USP45: variants seen among roughly 807,000 people sequenced by gnomAD.
USP45 encodes ubiquitin specific peptidase 45.
USP45 carries 89 observed loss-of-function variants against 95.8 expected under a neutral mutation model. The observed-to-expected ratio is 0.93, with a 90% confidence interval of 0.78 to 1.11. The LOEUF (loss-of-function observed/expected upper bound fraction) is 1.11, where lower values mean the gene tolerates loss of function less well. Ranked by LOEUF, USP45 falls within the 50% of genes least tolerant of loss-of-function variation. USP45 has a pLI of 0.00. For missense variants in USP45, 898 were observed against 942.5 expected, an observed-to-expected ratio of 0.95 and a Z score of 0.62; for synonymous variants, 281 against 316.2, an observed-to-expected ratio of 0.89 and a Z score of 1.18.
intron 8 of USP45, among the ~76,000 whole-genome samples, chr6:99,478,228 T>TG (rs1270135421): frequency 4.7e-5 from 7 of 148,450 alleles, no homozygotes; most frequent in South Asian, 2.1e-4. Flanking sequence ...TTGTTTTTTT[T>TG]TTTTTTTTTT....
Position 99,468,527 on chromosome 6 carries a change from G to GTT in USP45, c.1015+9_1015+10insAA. Reference sequence around the variant, plus strand: ...TTAAAGAAAAAAGTTTTAACAAAGAGTCAACATACCTTTGACTTTTTTTCT... The same window carrying GTT: ...TTAAAGAAAAAAGTTTTAACAAAGAGTTTCAACATACCTTTGACTTTTTTTCT... On this transcript the variant is annotated intron_variant, in intron 10 of 17. Transcript: ENST00000500704. 1 of 1,568,466 alleles carries GTT rather than the reference G, an allele frequency of 6.4e-7. No individual in the cohort carries two copies. Among genetic ancestry groups the GTT allele is most frequent in the Non-Finnish European group, 8.7e-7 (1 of 1,147,570 alleles).
intron 9 of USP45, among the ~76,000 whole-genome samples, chr6:99,470,359 A>G (rs1288433327): frequency 6.6e-6 from 1 of 152,198 alleles, no homozygotes; most frequent in African/African-American, 2.4e-5. Context: ...TGTATGATAT[A>G]TGTTTTTTAA....
At position 99,464,617 on chromosome 6, in the gene USP45, G is replaced by A. The variant is rs759225579; in HGVS notation, c.1295C>T (p.Ser432Leu). 1 of 1,611,810 alleles carries A rather than the reference G, an allele frequency of 6.2e-7. No homozygotes were observed. The highest frequency in any genetic ancestry group is 1.7e-5 in the Admixed American group (1 of 59,670). The change falls in exon 13 of 18, where the codon TCA becomes TTA. Residue 432 changes from serine (S) to leucine (L), a missense_variant. Coordinates refer to ENST00000500704, the MANE Select transcript of USP45 (RefSeq NM_001346022.3). ...TTATGGTCTTACCTTATCTTTAGATGAAGAATGCTTCTTGGCAGCTCTAGG... is the reference window on the plus strand; with the variant it reads ...TTATGGTCTTACCTTATCTTTAGATAAAGAATGCTTCTTGGCAGCTCTAGG... ...HQPRAAKKHS[S>L]SKDKSQLIHD...
chr6:99,466,623 G>T (rs750946977), intron 11 of USP45, 49 bp downstream of exon 11: 2 of 1,400,694 alleles, frequency 1.4e-6, no homozygotes, highest in African/African-American at 1.4e-5. Context: ...TAATAAAAAT[G>T]ATGTGATTGT....
intron 17 of USP45, among the ~76,000 whole-genome samples, chr6:99,436,123 C>A (rs137896249): frequency 6.6e-6 from 1 of 151,930 alleles, no homozygotes. Flanking sequence ...ATCTACATTA[C>A]GTATTTCTCC....
At position 99,445,850 on chromosome 6, in the gene USP45, C is replaced by A. The variant is rs1238646794; in HGVS notation, c.1922G>T (p.Cys641Phe). The change falls in exon 14 of 18, where the codon TGT (cysteine) becomes TTT (phenylalanine). Residue 641 changes from cysteine to phenylalanine, a missense_variant. Coordinates refer to ENST00000500704, the MANE Select transcript of USP45 (RefSeq NM_001346022.3). ...ELLMGNNKLL[C>F]ENCTKNKQKY... The stretch of plus-strand genomic sequence containing the variant: ...CTGTTTGTTTTTAGTACAATTCTCA[C>A]ATAGAAGCTTATTATTCCCCATTAG... 1.2e-6 allele frequency: 2 copies of A among 1,605,186 alleles called. No individual in the cohort carries two copies. Among genetic ancestry groups the A allele is most frequent in the Admixed American group, 1.7e-5 (1 of 57,864 alleles).
intron 7 of USP45, among the ~76,000 whole-genome samples, chr6:99,486,018 G>A (rs779090820): frequency 6.6e-5 from 10 of 152,146 alleles, no homozygotes; most frequent in Non-Finnish European, 1.0e-4. Context: ...TCGTACCTTC[G>A]TATGTAATAA....
At chr6:99,509,958 C>G (rs1392846855) in intron 2 of USP45, among the ~76,000 whole-genome samples, 163 bp downstream of exon 2, 1 of 152,150 alleles carries the variant, frequency 6.6e-6, no homozygotes, top group Non-Finnish European at 1.5e-5. Context: ...GCCAAGTATG[C>G]AGTTTTCACG....
At chr6:99,512,938 T>C (rs1380708751) in intron 1 of USP45, among the ~76,000 whole-genome samples, 1 of 152,148 alleles carries the variant, frequency 6.6e-6, no homozygotes, top group Non-Finnish European at 1.5e-5. Flanking sequence ...TATTTTCCTA[T>C]AGTGTCCAGG....
At chr6:99,451,353 AAC>A in intron 13 of USP45, among the ~76,000 whole-genome samples, 1 of 152,248 alleles carries the variant, frequency 6.6e-6, no homozygotes, top group Non-Finnish European at 1.5e-5. Context: ...ATACAAAATC[AAC>A]GTGCAAAAAT....
rs556638330 is a variant in USP45, at chr6:99,508,706, CCA to C, written c.175_176del (p.Trp59ValfsTer14). On this transcript the variant is annotated frameshift_variant, in exon 3 of 18. Transcript: ENST00000500704. LOFTEE classifies it high-confidence loss of function. ...CTTTTAAACATTCTGAGCAAACTGA[CCA>C]CAGATTCTCAGCTATTGCTCTCTTT... ...HVKRAIAENL[W>X]SVCSECLKER... The C allele has an allele frequency of 7.4e-5, 119 of 1,613,784 alleles. 2 individuals carry two copies. The South Asian group carries it at 1.2e-3, about 17-fold the overall frequency.
chr6:99,494,289 T>A (rs1304433331), intron 5 of USP45, among the ~76,000 whole-genome samples: 2 of 152,222 alleles, frequency 1.3e-5, no homozygotes, highest in African/African-American at 4.8e-5. Flanking sequence ...AGACCTGGAA[T>A]GCAAAGAACA....
chr6:99,437,090 CTG>C, intron 17 of USP45, among the ~76,000 whole-genome samples, 154 bp downstream of exon 17: 1 of 132,104 alleles, frequency 7.6e-6, no homozygotes, highest in Non-Finnish European at 1.7e-5. Context: ...GACTGAGACT[CTG>C]TCTCAATCAA....
intron 5 of USP45, among the ~76,000 whole-genome samples, chr6:99,497,425 CT>C (rs1246992952): frequency 6.6e-6 from 1 of 152,072 alleles, no homozygotes; most frequent in Non-Finnish European, 1.5e-5. Flanking sequence ...ATTTCTACAG[CT>C]GAAAAGAAGT....
In USP45 at chr6:99,435,574, C is replaced by A; in HGVS notation, c.*142G>T. The A allele has an allele frequency of 3.3e-6, 2 of 605,354 alleles. No homozygotes were observed. The highest frequency in any genetic ancestry group is 4.4e-5 in the South Asian group (1 of 22,692). 37.5% of individuals were successfully genotyped at this position (605,354 alleles called of 1,614,324 possible). A position where few individuals can be genotyped will look rare whatever the true frequency, so the allele number is the denominator to read the frequency against. ...GTAAATTTACTTTAAAAGGGTTCACCAAAATGGTGAAAAAGTTCAGGACCA... is the reference window on the plus strand; with the variant it reads ...GTAAATTTACTTTAAAAGGGTTCACAAAAATGGTGAAAAAGTTCAGGACCA... On this transcript the variant is annotated 3_prime_UTR_variant, in exon 18 of 18. Coordinates refer to ENST00000500704, the MANE Select transcript of USP45 (RefSeq NM_001346022.3).
At chr6:99,438,166 A>G (rs1300397598) in intron 16 of USP45, among the ~76,000 whole-genome samples, 1 of 152,228 alleles carries the variant, frequency 6.6e-6, no homozygotes, top group Admixed American at 6.5e-5. Flanking sequence ...ACTATGATGC[A>G]TCCACACAAT....
intron 13 of USP45, chr6:99,461,661 G>A: frequency 2.0e-6 from 2 of 983,782 alleles, no homozygotes; most frequent in Non-Finnish European, 2.4e-6. Context: ...TTAAGTTTTT[G>A]TGTGGTTTTA....
intron 5 of USP45, among the ~76,000 whole-genome samples, chr6:99,500,428 G>A (rs775275540): frequency 2.5e-4 from 38 of 152,010 alleles, no homozygotes; most frequent in Non-Finnish European, 5.3e-4. Flanking sequence ...CAACCTCAAA[G>A]CCATGTACTT....
intron 7 of USP45, among the ~76,000 whole-genome samples, chr6:99,484,076 T>C (rs1456965866): frequency 3.1e-5 from 4 of 129,968 alleles, no homozygotes; most frequent in Non-Finnish European, 6.3e-5. Context: ...GCTCAAGCAA[T>C]CCTCCCGCCT....
Sources: allele counts gnomAD v4.1 joint callset (sites outside exome capture counted in the v4.1 genomes callset), GRCh38; gene constraint gnomAD v4.1.1; transcripts MANE v1.5; gene names NCBI Gene and HGNC (gene_info 2026-07-23, HGNC 2026-07-21).